Variants in CDV3 observed in about 807,000 individuals in gnomAD.
The protein encoded by CDV3 is protein CDV3 homolog.
A neutral mutation model predicts 24.5 loss-of-function variants in CDV3; 14 were observed. The ratio of observed to expected loss-of-function variants is 0.57; its 90% CI spans 0.38 to 0.89. The LOEUF (loss-of-function observed/expected upper bound fraction) is 0.89. Ranked by LOEUF, CDV3 falls within the 40% of genes least tolerant of loss-of-function variation. The probability of loss-of-function intolerance (pLI) is 0.00; values close to 1 mark genes in which losing one functional copy is unlikely to be tolerated. For synonymous variants in CDV3, 114 were observed against 114.1 expected (o/e 1.00, Z 0.00); for missense variants, 304 against 310.2 (o/e 0.98, Z 0.15).
chr3:133,588,070 T>G lies in CDV3; in HGVS notation c.*24T>G, dbSNP rs768408067. 6.2e-7 allele frequency: 1 copy of G among 1,606,234 alleles called. No individual in the cohort carries two copies. Among genetic ancestry groups the G allele is most frequent in the South Asian group, 1.1e-5 (1 of 90,270 alleles). On this transcript the variant is annotated 3_prime_UTR_variant, in exon 5 of 5. Coordinates refer to ENST00000264993, the MANE Select transcript of CDV3 (RefSeq NM_017548.5). Reference sequence around the variant, plus strand: ...AAGGAATGGGCTTTGCTAACCCTTCTGAGGTAACTAGACTGCAGCTAACCA... The same window carrying G: ...AAGGAATGGGCTTTGCTAACCCTTCGGAGGTAACTAGACTGCAGCTAACCA...
intron 2 of CDV3, among the ~76,000 whole-genome samples, chr3:133,577,593 C>T (rs543587693): frequency 9.3e-4 from 142 of 152,224 alleles, no homozygotes; most frequent in African/African-American, 3.3e-3. Flanking sequence ...CTCCCGACCT[C>T]GGGTGATCCA....
intron 2 of CDV3, among the ~76,000 whole-genome samples, chr3:133,581,473 G>A (rs1009743589): frequency 6.6e-6 from 1 of 152,180 alleles, no homozygotes; most frequent in Non-Finnish European, 1.5e-5. Context: ...TGAGAAAAAT[G>A]TAGAAGCATA....
intron 2 of CDV3, among the ~76,000 whole-genome samples, chr3:133,580,766 C>G (rs1408120931): frequency 6.6e-6 from 1 of 152,090 alleles, no homozygotes; most frequent in Non-Finnish European, 1.5e-5. Context: ...GTTTTGAACT[C>G]CTGGCCTCAA....
At chr3:133,576,887 G>C (rs1000892124) in intron 2 of CDV3, among the ~76,000 whole-genome samples, 41 of 92,810 alleles carry the variant, frequency 4.4e-4, no homozygotes, top group African/African-American at 1.7e-3. Flanking sequence ...CCCTCTTGTT[G>C]CCCAGGCTGG....
At position 133,589,946 on chromosome 3, in the gene CDV3, C is replaced by T. The variant is rs1010662191; in HGVS notation, c.*1900C>T. 5 of 152,164 alleles carry T rather than the reference C, an allele frequency of 3.3e-5. No homozygotes were observed. The highest frequency in any genetic ancestry group is 9.7e-5 in the African/African-American group (4 of 41,428). 9.4% of individuals were successfully genotyped at this position (152,164 alleles called of 1,614,324 possible). A position where few individuals can be genotyped will look rare whatever the true frequency, so the allele number is the denominator to read the frequency against. On this transcript the variant is annotated 3_prime_UTR_variant, in exon 5 of 5. Transcript: ENST00000264993. ...TCTTCATCGTTGAACTGTGCATTTT[C>T]CCTGCATTTTTTCCCAACAAAATTT...
chr3:133,587,921 G>A lies in CDV3; in HGVS notation c.652G>A (p.Glu218Lys). Residue 218 changes from glutamate to lysine, a missense_variant, in exon 5 of 5, where the codon GAA becomes AAA. Around this residue, in one of 3 missense-constraint regions of CDV3, gnomAD observed 56 missense variants for 50.9 expected, o/e 1.10. Coordinates refer to ENST00000264993, the MANE Select transcript of CDV3 (RefSeq NM_017548.5). ...RKDKEMEKSF[E>K]VVRHKNRGRD... ...GGATAAAGAAATGGAGAAGAGCTTTGAAGTAGTAAGACACAAAAATAGAGG... is the reference window on the plus strand; with the variant it reads ...GGATAAAGAAATGGAGAAGAGCTTTAAAGTAGTAAGACACAAAAATAGAGG... 4 of 1,611,454 alleles carry A rather than the reference G, an allele frequency of 2.5e-6. No homozygotes were observed. Among genetic ancestry groups the A allele is most frequent in the Admixed American group, 1.7e-5 (1 of 59,678 alleles).
At chr3:133,574,601 T>C in intron 1 of CDV3, 2 of 1,001,756 alleles carry the variant, frequency 2.0e-6, no homozygotes, top group South Asian at 4.0e-5. Context: ...GGGTGACGTC[T>C]AGGCTGAGTA....
At chr3:133,584,174 G>C in intron 3 of CDV3, 24 bp downstream of exon 3, 3 of 1,546,970 alleles carry the variant, frequency 1.9e-6, no homozygotes, top group Non-Finnish European at 2.6e-6. Context: ...TTCAGTTTCA[G>C]AAAGATGTCT....
At chr3:133,574,581 A>G in intron 1 of CDV3, 1 of 991,828 alleles carries the variant, frequency 1.0e-6, no homozygotes, top group African/African-American at 1.7e-5. Context: ...AGCACAGAGC[A>G]GCGTTTATCG....
intron 2 of CDV3, among the ~76,000 whole-genome samples, chr3:133,578,541 T>C (rs1432248866): frequency 6.6e-6 from 1 of 152,196 alleles, no homozygotes; most frequent in Non-Finnish European, 1.5e-5. Context: ...CATGCTGTAA[T>C]AGACAACAGT....
chr3:133,574,427 C>T (rs1411463156), intron 1 of CDV3, 143 bp downstream of exon 1: 1 of 983,092 alleles, frequency 1.0e-6, no homozygotes, highest in South Asian at 4.7e-5. Flanking sequence ...CGCAGGCTCT[C>T]CACCTCGGGC....
chr3:133,582,305 C>G (rs986403441), intron 2 of CDV3, among the ~76,000 whole-genome samples: 9 of 152,136 alleles, frequency 5.9e-5, no homozygotes, highest in African/African-American at 2.2e-4. Flanking sequence ...GCATGTGTCA[C>G]CACACCTGGC....
At chr3:133,582,067 C>G (rs556693573) in intron 2 of CDV3, among the ~76,000 whole-genome samples, 1 of 152,210 alleles carries the variant, frequency 6.6e-6, no homozygotes, top group East Asian at 1.9e-4. Context: ...TAAATCTGTT[C>G]TTCTTTCCAC....
chr3:133,586,018 T>C (rs1386197744), intron 3 of CDV3, among the ~76,000 whole-genome samples: 2 of 152,210 alleles, frequency 1.3e-5, no homozygotes, highest in African/African-American at 2.4e-5. Flanking sequence ...GTGGAACTCA[T>C]CATTTACGTA....
At position 133,588,092 on chromosome 3, in the gene CDV3, A is replaced by C. The variant is rs1298523338; in HGVS notation, c.*46A>C. 30 of 1,592,500 alleles carry C rather than the reference A, an allele frequency of 1.9e-5. No individual in the cohort carries two copies. The highest frequency in any genetic ancestry group is 2.5e-5 in the Non-Finnish European group (29 of 1,169,766). The stretch of plus-strand genomic sequence containing the variant: ...TTCTGAGGTAACTAGACTGCAGCTA[A>C]CCACCACCAACAGCCATTCATCATC... On this transcript the variant is annotated 3_prime_UTR_variant, in exon 5 of 5. Transcript: ENST00000264993.
At chr3:133,584,271 T>C in intron 3 of CDV3, 121 bp downstream of exon 3, 1 of 671,874 alleles carries the variant, frequency 1.5e-6, no homozygotes, top group Middle Eastern at 3.9e-4. Context: ...TTTCCATTCC[T>C]GGTAGAGTGG....
rs1234011277 is a variant in CDV3, at chr3:133,589,652, G to C, written c.*1606G>C. 1.3e-5 allele frequency: 2 copies of C among 152,642 alleles called. No individual in the cohort carries two copies. The highest frequency in any genetic ancestry group is 2.9e-5 in the Non-Finnish European group (2 of 68,048). 9.5% of individuals were successfully genotyped at this position (152,642 alleles called of 1,614,324 possible). On this transcript the variant is annotated 3_prime_UTR_variant, in exon 5 of 5. Coordinates refer to ENST00000264993, the MANE Select transcript of CDV3 (RefSeq NM_017548.5). ...AGTGGGTGAGTAAAACTATTTTGAC[G>C]TGGGAGCGTTTTCAGATAGGAGTTT...
chr3:133,585,414 C>T (rs996670079), intron 3 of CDV3, among the ~76,000 whole-genome samples: 1 of 152,172 alleles, frequency 6.6e-6, no homozygotes, highest in African/African-American at 2.4e-5. Context: ...CTCCTGACTT[C>T]AAGTGATCTG....
At chr3:133,574,860 AG>A in intron 1 of CDV3, 178 bp from the exon 2 acceptor site, 3 of 727,754 alleles carry the variant, frequency 4.1e-6, no homozygotes, top group Non-Finnish European at 6.3e-6. Context: ...TTAGCCTACG[AG>A]CATGTTTGTC....
Sources: allele counts gnomAD v4.1 joint callset (sites outside exome capture counted in the v4.1 genomes callset), GRCh38; gene constraint gnomAD v4.1.1; regional missense constraint gnomAD v4.1.1; transcripts MANE v1.5; gene names NCBI Gene and HGNC (gene_info 2026-07-23, HGNC 2026-07-21).